NLGN1: variants seen among roughly 807,000 people sequenced by gnomAD.
NLGN1 encodes neuroligin 1.
NLGN1 carries 12 observed loss-of-function variants against 65.5 expected under a neutral mutation model. The observed-to-expected ratio is 0.18, with a 90% CI of 0.12 to 0.30. The LOEUF is 0.30. NLGN1 is among the 10% of genes least tolerant of loss of function. NLGN1 has a pLI of 1.00. For synonymous variants in NLGN1, 350 were observed against 359.5 expected, an observed-to-expected ratio of 0.97 and a Z score of 0.30; for missense variants, 750 against 1,007.1, an observed-to-expected ratio of 0.74 and a Z score of 3.46.
At chr3:173,509,677 T>A (rs1014966292) in intron 2 of NLGN1, among the ~76,000 whole-genome samples, 2 of 152,272 alleles carry the variant, frequency 1.3e-5, no homozygotes, top group Non-Finnish European at 2.9e-5. Flanking sequence ...TTTAAATGAT[T>A]TTTTTCACTA....
intron 3 of NLGN1, among the ~76,000 whole-genome samples, chr3:173,667,239 G>GCATACACACACA (rs1553794603): frequency 4.8e-5 from 7 of 147,328 alleles, no homozygotes; most frequent in African/African-American, 1.8e-4. Flanking sequence ...ACACGCATAT[G>GCATACACACACA]CACACACACA....
intron 4 of NLGN1, among the ~76,000 whole-genome samples, chr3:173,817,175 G>T (rs550563121): frequency 6.6e-6 from 1 of 152,334 alleles, no homozygotes; most frequent in East Asian, 1.9e-4. Flanking sequence ...GAAGGAAACG[G>T]TTTTGCATGC....
At chr3:173,855,505 G>A (rs1727783038) in intron 4 of NLGN1, among the ~76,000 whole-genome samples, 1 of 151,950 alleles carries the variant, frequency 6.6e-6, no homozygotes, top group Non-Finnish European at 1.5e-5. Flanking sequence ...CTACATATTT[G>A]AAACATTAAT....
chr3:173,555,565 A>C (rs1741572380), intron 2 of NLGN1, among the ~76,000 whole-genome samples: 1 of 152,126 alleles, frequency 6.6e-6, no homozygotes, highest in South Asian at 2.1e-4. Flanking sequence ...CTATGGCCTC[A>C]AAATCCCCGG....
chr3:173,999,331 AT>A (rs199751169), intron 4 of NLGN1, among the ~76,000 whole-genome samples: 145 of 150,574 alleles, frequency 9.6e-4, no homozygotes, highest in Middle Eastern at 6.8e-3. Context: ...TTGAGATGAT[AT>A]TTTTTTTTTC....
intron 3 of NLGN1, among the ~76,000 whole-genome samples, chr3:173,745,646 A>G (rs1392315231): frequency 1.3e-5 from 2 of 151,984 alleles, no homozygotes; most frequent in South Asian, 4.1e-4. Flanking sequence ...CATTTTATAG[A>G]TGAGATTATA....
intron 4 of NLGN1, among the ~76,000 whole-genome samples, chr3:173,832,092 G>C (rs1722700167): frequency 6.6e-6 from 1 of 150,398 alleles, no homozygotes; most frequent in East Asian, 1.9e-4. Flanking sequence ...CAAGTAGCTG[G>C]GCCACAGTTG....
At position 173,799,649 on chromosome 3, in the gene NLGN1, A is replaced by G. The variant is rs1294121282; in HGVS notation, c.494-8031A>G. Among the ~76,000 whole-genome samples, 3 of 151,996 alleles carry G rather than the reference A, an allele frequency of 2.0e-5. No homozygotes were observed. The East Asian group carries it at 5.8e-4, about 29-fold the overall frequency. On this transcript the variant is annotated intron_variant, in intron 3 of 6. Transcript: ENST00000457714. Reference sequence around the variant, plus strand: ...GAGTGATGAGACTATTTAGTGATACATTTGTGCAGGATGCAAATGTCTTAA... The same window carrying G: ...GAGTGATGAGACTATTTAGTGATACGTTTGTGCAGGATGCAAATGTCTTAA...
chr3:173,562,179 A>G (rs1742843492), intron 2 of NLGN1, among the ~76,000 whole-genome samples: 1 of 152,214 alleles, frequency 6.6e-6, no homozygotes, highest in South Asian at 2.1e-4. Context: ...TGTAGAAGAG[A>G]GTAGCTTGAG....
At chr3:173,461,416 C>CA (rs550082285) in intron 2 of NLGN1, among the ~76,000 whole-genome samples, 169 of 152,038 alleles carry the variant, frequency 1.1e-3, no homozygotes, top group Non-Finnish European at 1.8e-3. Flanking sequence ...ATATGGACCA[C>CA]ATCATTTAAT....
At chr3:174,094,725 C>A (rs1217177305) in intron 4 of NLGN1, among the ~76,000 whole-genome samples, 2 of 138,636 alleles carry the variant, frequency 1.4e-5, no homozygotes, top group East Asian at 4.2e-4. Flanking sequence ...TGCTTTCCTG[C>A]TCATTGTTCC....
chr3:174,274,977 C>T (rs1488851636), intron 4 of NLGN1, among the ~76,000 whole-genome samples: 1 of 151,760 alleles, frequency 6.6e-6, no homozygotes, highest in African/African-American at 2.4e-5. Context: ...TCACATGAAC[C>T]CTATGATACT....
At chr3:174,187,367 C>T (rs944448330) in intron 4 of NLGN1, among the ~76,000 whole-genome samples, 15 of 151,988 alleles carry the variant, frequency 9.9e-5, no homozygotes, top group African/African-American at 3.1e-4. Context: ...GGATTATTGA[C>T]TTATAATCTG....
At chr3:173,426,927 T>C (rs567226224) in intron 1 of NLGN1, among the ~76,000 whole-genome samples, 68 of 152,204 alleles carry the variant, frequency 4.5e-4, no homozygotes, top group Admixed American at 2.0e-3. Flanking sequence ...AAAAGTTTGG[T>C]AAAACTTAGC....
intron 4 of NLGN1, among the ~76,000 whole-genome samples, chr3:174,007,449 A>G (rs1724660994): frequency 6.6e-6 from 1 of 152,166 alleles, no homozygotes; most frequent in African/African-American, 2.4e-5. Context: ...TCCTATCAAT[A>G]AACAGTCTTC....
chr3:173,610,163 A>C (rs924338477), intron 3 of NLGN1, among the ~76,000 whole-genome samples: 1 of 151,940 alleles, frequency 6.6e-6, no homozygotes, highest in African/African-American at 2.4e-5. Context: ...GATTCTTCAT[A>C]TATTTTAAAG....
intron 4 of NLGN1, among the ~76,000 whole-genome samples, chr3:173,923,365 C>A (rs146220304): frequency 6.6e-6 from 1 of 152,250 alleles, no homozygotes; most frequent in East Asian, 1.9e-4. Context: ...TTGAGATCTG[C>A]ATCTTGAATG....
chr3:173,998,906 A>G (rs527783685), intron 4 of NLGN1, among the ~76,000 whole-genome samples: 1 of 152,150 alleles, frequency 6.6e-6, no homozygotes. Context: ...TGAAAGTGTT[A>G]TTACCCATTA....
At chr3:174,198,394 A>G (rs1477322591) in intron 4 of NLGN1, among the ~76,000 whole-genome samples, 13 of 152,182 alleles carry the variant, frequency 8.5e-5, no homozygotes, top group Admixed American at 8.5e-4. Context: ...TTGTGTTATT[A>G]CTAAATATAT....
Sources: allele counts gnomAD v4.1 joint callset (sites outside exome capture counted in the v4.1 genomes callset), GRCh38; gene constraint gnomAD v4.1.1; transcripts MANE v1.5; gene names NCBI Gene and HGNC (gene_info 2026-07-23, HGNC 2026-07-21).